F11R: variants seen among roughly 807,000 people sequenced by gnomAD.
F11R encodes the protein junctional adhesion molecule A.
A neutral mutation model predicts 39.3 loss-of-function variants in F11R; 27 were observed. That is an observed-to-expected ratio of 0.69 (90% CI 0.51 to 0.95). The LOEUF (loss-of-function observed/expected upper bound fraction) is 0.95. F11R is among the 40% of genes least tolerant of loss of function. The probability of loss-of-function intolerance (pLI) is 0.00; values close to 1 mark genes in which losing one functional copy is unlikely to be tolerated. For synonymous variants in F11R, 131 were observed against 144.9 expected (o/e 0.90, Z 0.69); for missense variants, 335 against 372.7 (o/e 0.90, Z 0.83).
intron 4 of F11R, 47 bp downstream of exon 4, chr1:161,000,584 G>T: frequency 6.2e-7 from 1 of 1,612,004 alleles, no homozygotes; most frequent in Non-Finnish European, 8.5e-7. Flanking sequence ...AGCCTGCTAT[G>T]AGAAGTAACT....
At chr1:160,999,541 C>T (rs746380177) in intron 7 of F11R, 99 bp downstream of exon 7, 17 of 1,501,670 alleles carry the variant, frequency 1.1e-5, no homozygotes, top group Non-Finnish European at 1.6e-5. Flanking sequence ...AACACCCACA[C>T]ACATGAGCAC....
chr1:161,020,940 G>T, intron 1 of F11R, 70 bp downstream of exon 1: 1 of 1,391,312 alleles, frequency 7.2e-7, no homozygotes, highest in Non-Finnish European at 1.0e-6. Context: ...GCGGGCTAGG[G>T]GCGTGGGGAG....
chr1:161,000,537 G>C, intron 4 of F11R, 94 bp downstream of exon 4: 1 of 1,552,980 alleles, frequency 6.4e-7, no homozygotes, highest in Non-Finnish European at 8.8e-7. Flanking sequence ...CCCACCTGTG[G>C]GTATTCTCAC....
chr1:161,017,137 C>T (rs892694469), intron 1 of F11R, among the ~76,000 whole-genome samples: 4 of 151,768 alleles, frequency 2.6e-5, no homozygotes, highest in Admixed American at 6.6e-5. Flanking sequence ...TGCGGAAGGC[C>T]GCAGGGACCT....
chr1:161,003,425 C>T (rs1322232869), intron 1 of F11R, among the ~76,000 whole-genome samples: 1 of 151,864 alleles, frequency 6.6e-6, no homozygotes, highest in Non-Finnish European at 1.5e-5. Context: ...CTGCACCTGG[C>T]CTAATTTTTG....
Position 160,998,675 on chromosome 1 carries a change from T to C in F11R, c.*196A>G. On this transcript the variant is annotated 3_prime_UTR_variant, in exon 10 of 10. Coordinates refer to ENST00000368026, the MANE Select transcript of F11R (RefSeq NM_016946.6). ...CAAGTTCCAGGCCACTCAGCAGTGG[T>C]AGGAAAGGGAGGGAGGGCATGAAGG... 1 of 617,358 alleles carries C rather than the reference T, an allele frequency of 1.6e-6. No homozygotes were observed. The highest frequency in any genetic ancestry group is 2.9e-6 in the Non-Finnish European group (1 of 344,024). The allele number at this position is 617,358 out of a possible 1,614,324, so 38.2% of individuals were successfully genotyped here.
intron 1 of F11R, among the ~76,000 whole-genome samples, chr1:161,012,623 TATTTATTTATTTATTTTGAGACAGAG>T (rs1297953151): frequency 6.6e-6 from 1 of 150,906 alleles, no homozygotes; most frequent in Non-Finnish European, 1.5e-5. Flanking sequence ...TTTATTTATT[TATTTATTTATTTATTTTGAGACAGAG>T]TTTTTGCTCT....
chr1:161,014,714 C>T (rs1398609273), intron 1 of F11R, among the ~76,000 whole-genome samples: 2 of 151,786 alleles, frequency 1.3e-5, no homozygotes, highest in African/African-American at 4.8e-5. Context: ...CCAAGGCAGG[C>T]GGATCACTTG....
At chr1:161,001,207 T>A in intron 2 of F11R, 78 bp downstream of exon 2, 1 of 1,594,928 alleles carries the variant, frequency 6.3e-7, no homozygotes, top group South Asian at 1.1e-5. Flanking sequence ...AACTGCAGGC[T>A]GGGCTGGGTG....
Position 161,001,072 on chromosome 1 carries a change from C to T in F11R, c.189G>A (p.Lys63=), listed in dbSNP as rs1256653651. The T allele has an allele frequency of 3.1e-6, 5 of 1,614,176 alleles. No individual in the cohort carries two copies. Among genetic ancestry groups the T allele is most frequent in the Middle Eastern group, 1.7e-4 (1 of 6,058 alleles). ...SGFSSPRVEW[K]FDQGDTTRLV... Reference sequence around the variant, plus strand: ...GTCTGGTGGTGTCTCCTTGGTCAAACTTCCACTCCACACGGGGAGAAGAAA... The same window carrying T: ...GTCTGGTGGTGTCTCCTTGGTCAAATTTCCACTCCACACGGGGAGAAGAAA... Residue 63 remains lysine (K), a synonymous_variant, in exon 3 of 10, where the codon AAG becomes AAA. Transcript: ENST00000368026.
At chr1:161,006,538 T>C (rs1268590524) in intron 1 of F11R, among the ~76,000 whole-genome samples, 1 of 152,240 alleles carries the variant, frequency 6.6e-6, no homozygotes, top group East Asian at 1.9e-4. Context: ...ACCACACATA[T>C]ACAAACACGT....
rs1648278656 is a variant in F11R at position 160,998,797 on chromosome 1, C to T, written c.*74G>A. ...ACAAATAAGGCATCCTGTGAAACTA[C>T]AGACATCAGGGGCCAGAGTCCGGTA... On this transcript the variant is annotated 3_prime_UTR_variant, in exon 10 of 10. Transcript: ENST00000368026. The T allele has an allele frequency of 8.2e-6, 12 of 1,463,022 alleles. No individual in the cohort carries two copies. The highest frequency in any genetic ancestry group is 2.8e-5 in the African/African-American group (2 of 71,908). The allele number at this position is 1,463,022 out of a possible 1,614,324, so 90.6% of individuals were successfully genotyped here.
chr1:160,998,568 C>T lies in F11R; in HGVS notation c.*303G>A. On this transcript the variant is annotated 3_prime_UTR_variant, in exon 10 of 10. Coordinates refer to ENST00000368026, the MANE Select transcript of F11R (RefSeq NM_016946.6). ...ATTCCTGCGACCCCCGCCATTTTTG[C>T]TGTCTACTTAGAAGGGAAGTCAATG... The T allele has an allele frequency of 1.9e-6, 1 of 538,490 alleles. No individual in the cohort carries two copies. Among genetic ancestry groups the T allele is most frequent in the Non-Finnish European group, 3.3e-6 (1 of 303,772 alleles). The allele number at this position is 538,490 out of a possible 1,614,324, so 33.4% of individuals were successfully genotyped here. A position where few individuals can be genotyped will look rare whatever the true frequency, so the allele number is the denominator to read the frequency against.
At chr1:161,010,323 A>G (rs1274812216) in intron 1 of F11R, among the ~76,000 whole-genome samples, 1 of 151,620 alleles carries the variant, frequency 6.6e-6, no homozygotes, top group African/African-American at 2.4e-5. Flanking sequence ...AGGCGCCTGT[A>G]ATCCCAGCGA....
intron 5 of F11R, 80 bp downstream of exon 5, chr1:161,000,066 T>C: frequency 1.9e-6 from 3 of 1,597,872 alleles, no homozygotes; most frequent in South Asian, 2.2e-5. Flanking sequence ...AAGTTCACCC[T>C]GTTGCCTGTT....
chr1:161,005,683 A>G (rs182456670), intron 1 of F11R, among the ~76,000 whole-genome samples: 1 of 151,966 alleles, frequency 6.6e-6, no homozygotes, highest in African/African-American at 2.4e-5. Flanking sequence ...TGCCCAGCTA[A>G]CTTTTACAAT....
chr1:161,001,086 G>A lies in F11R; in HGVS notation c.175C>T (p.Arg59Cys), dbSNP rs753577357. ...CCTTGGTCAAACTTCCACTCCACAC[G>A]GGGAGAAGAAAAGCCCGAGTAGGCA... Reference protein sequence around the residue: ...SCAYSGFSSPRVEWKFDQGDT... With the variant: ...SCAYSGFSSPCVEWKFDQGDT... The change falls in exon 3 of 10, where the codon CGT (arginine) becomes TGT (cysteine). Residue 59 changes from arginine (R) to cysteine (C), a missense_variant. Coordinates refer to ENST00000368026, the MANE Select transcript of F11R (RefSeq NM_016946.6). The A allele has an allele frequency of 1.1e-5, 17 of 1,613,990 alleles. No homozygotes were observed. Among genetic ancestry groups the A allele is most frequent in the South Asian group, 3.3e-5 (3 of 91,082 alleles).
In F11R at chr1:160,999,111, CAG is replaced by C. The variant is rs1412047712; in HGVS notation, c.816-22_816-21del. The C allele has an allele frequency of 4.3e-6, 7 of 1,614,030 alleles. No individual in the cohort carries two copies. Among genetic ancestry groups the C allele is most frequent in the African/African-American group, 1.3e-5 (1 of 74,922 alleles). ...GAAGTCCTGTGAACAAGCCAGAAGACAGAGACACTCAGCCACCTAGGTGCTTA... is the reference window on the plus strand; with the variant it reads ...GAAGTCCTGTGAACAAGCCAGAAGACAGACACTCAGCCACCTAGGTGCTTA... On this transcript the variant is annotated intron_variant, in intron 8 of 9. Transcript: ENST00000368026.
At chr1:161,014,367 GA>G (rs369309696) in intron 1 of F11R, among the ~76,000 whole-genome samples, 41 of 152,280 alleles carry the variant, frequency 2.7e-4, no homozygotes, top group African/African-American at 9.6e-4. Context: ...AGCTGACTTG[GA>G]GGGGGGTGGG....
Sources: gnomAD v4.1 joint callset for allele counts (sites outside exome capture counted in the v4.1 genomes callset) on GRCh38, gnomAD v4.1.1 for gene constraint, MANE v1.5 for transcripts, NCBI Gene and HGNC (gene_info 2026-07-23, HGNC 2026-07-21) for gene names.